The following CIMIP3 variants were observed in gnomAD, a reference collection of about 807,000 sequenced individuals.
CIMIP3 encodes GUCA1A neighbor.
chr6:42,156,278 G>T, the CIMIP3 span, among the ~76,000 whole-genome samples: 3 of 151,064 alleles, frequency 2.0e-5, no homozygotes, highest in African/African-American at 7.3e-5. Flanking sequence ...TTACAGGCGT[G>T]AGCCACTGTG....
At chr6:42,156,282 C>T in the CIMIP3 span, among the ~76,000 whole-genome samples, 1 of 151,780 alleles carries the variant, frequency 6.6e-6, no homozygotes, top group Admixed American at 6.6e-5. Context: ...AGGCGTGAGC[C>T]ACTGTGCTCA....
chr6:42,156,931 A>T, the CIMIP3 span, among the ~76,000 whole-genome samples: 1 of 152,238 alleles, frequency 6.6e-6, no homozygotes. Flanking sequence ...TCAATAAGGC[A>T]CAAGGCCTTC....
chr6:42,162,979 G>A, the CIMIP3 span: 1 of 711,490 alleles, frequency 1.4e-6, no homozygotes, highest in Non-Finnish European at 2.6e-6. Context: ...GCAAGGGGGT[G>A]AAGGCTCCAC....
At chr6:42,156,048 C>T in the CIMIP3 span, among the ~76,000 whole-genome samples, 1 of 151,474 alleles carries the variant, frequency 6.6e-6, no homozygotes. Flanking sequence ...GGCTGGAGTG[C>T]AGTGGCACAA....
chr6:42,162,340 A>G, the CIMIP3 span, among the ~76,000 whole-genome samples: 4 of 150,578 alleles, frequency 2.7e-5, no homozygotes, highest in African/African-American at 9.8e-5. Flanking sequence ...GCTTGAACCC[A>G]GGAGGCGGAG....
At chr6:42,156,763 CAA>C in the CIMIP3 span, among the ~76,000 whole-genome samples, 1 of 152,250 alleles carries the variant, frequency 6.6e-6, no homozygotes, top group Non-Finnish European at 1.5e-5. Context: ...CCCTGAAGCT[CAA>C]AGAGGCTCAG....
the CIMIP3 span, among the ~76,000 whole-genome samples, chr6:42,156,560 T>G: frequency 6.6e-6 from 1 of 152,166 alleles, no homozygotes; most frequent in African/African-American, 2.4e-5. Flanking sequence ...TCAAAGCCCC[T>G]GTGCTCCCCC....
the CIMIP3 span, among the ~76,000 whole-genome samples, chr6:42,158,898 A>G: frequency 6.6e-6 from 1 of 152,168 alleles, no homozygotes; most frequent in African/African-American, 2.4e-5. Flanking sequence ...GATGGCCAAG[A>G]GGCTGATGCA....
the CIMIP3 span, chr6:42,155,640 G>GGTGCTC: frequency 1.4e-6 from 1 of 717,058 alleles, no homozygotes; most frequent in Admixed American, 2.0e-5. Flanking sequence ...TGCTGGTGCT[G>GGTGCTC]CTGCCTGCCT....
chr6:42,163,412 A>G, the CIMIP3 span: 1 of 403,292 alleles, frequency 2.5e-6, no homozygotes, highest in East Asian at 3.5e-5. Context: ...CTCTCTTCTC[A>G]GCAGCAGTTA....
the CIMIP3 span, among the ~76,000 whole-genome samples, chr6:42,161,195 C>CA: frequency 1.3e-5 from 2 of 151,960 alleles, no homozygotes; most frequent in Admixed American, 6.6e-5. Flanking sequence ...TCTCAAAAAA[C>CA]AAAAAACAAA....
the CIMIP3 span, among the ~76,000 whole-genome samples, chr6:42,159,620 G>A: frequency 8.0e-3 from 1,225 of 152,340 alleles, 7 homozygotes; most frequent in Non-Finnish European, 0.013. Flanking sequence ...CAGTGAGCCG[G>A]AAGCTGTGCA....
the CIMIP3 span, among the ~76,000 whole-genome samples, chr6:42,158,893 C>T: frequency 6.6e-6 from 1 of 152,146 alleles, no homozygotes; most frequent in African/African-American, 2.4e-5. Flanking sequence ...CCCAAGATGG[C>T]CAAGAGGCTG....
chr6:42,159,543 C>T, the CIMIP3 span, among the ~76,000 whole-genome samples: 13 of 152,352 alleles, frequency 8.5e-5, no homozygotes, highest in East Asian at 9.6e-4. Flanking sequence ...GAACCCAGAG[C>T]CCAAATCCAG....
the CIMIP3 span, chr6:42,163,331 A>C: frequency 2.2e-6 from 1 of 455,366 alleles, no homozygotes. Flanking sequence ...TGCTCACTGC[A>C]GGAGGAGTGA....
chr6:42,156,310 T>C, the CIMIP3 span, among the ~76,000 whole-genome samples: 11 of 151,354 alleles, frequency 7.3e-5, no homozygotes, highest in Middle Eastern at 3.2e-3. Context: ...TTTTTTCTTT[T>C]TTTTTTTTTT....
At chr6:42,156,306 C>CTTTTTTTT in the CIMIP3 span, among the ~76,000 whole-genome samples, 3 of 137,092 alleles carry the variant, frequency 2.2e-5, no homozygotes, top group Non-Finnish European at 1.6e-5. Flanking sequence ...ATTTTTTTTT[C>CTTTTTTTT]TTTTTTTTTT....
chr6:42,162,556 T>C, the CIMIP3 span, among the ~76,000 whole-genome samples: 2 of 130,514 alleles, frequency 1.5e-5, no homozygotes, highest in Non-Finnish European at 3.1e-5. Flanking sequence ...GACGGAGCAG[T>C]GGCAGGGAAG....
chr6:42,155,775 C>T, the CIMIP3 span, among the ~76,000 whole-genome samples: 1 of 152,118 alleles, frequency 6.6e-6, no homozygotes, highest in South Asian at 2.1e-4. Context: ...CTGTTTGGTT[C>T]GTGTTACACC....
Sources: allele counts gnomAD v4.1 joint callset (sites outside exome capture counted in the v4.1 genomes callset), GRCh38; gene constraint gnomAD v4.1.1; transcripts MANE v1.5; gene names NCBI Gene and HGNC (gene_info 2026-07-23, HGNC 2026-07-21).